The following OSBPL10 variants were observed in gnomAD, a reference collection of about 807,000 sequenced individuals.
OSBPL10 encodes oxysterol-binding protein-related protein 10.
In OSBPL10, 49 loss-of-function variants were observed where a neutral mutation model predicts 81.7. The observed-to-expected ratio is 0.60, with a 90% CI of 0.48 to 0.76. OSBPL10 has a LOEUF of 0.76. Ranked by LOEUF, OSBPL10 falls within the 30% of genes least tolerant of loss-of-function variation. OSBPL10 has a pLI of 0.00. For synonymous variants in OSBPL10, 419 were observed against 383.6 expected, an observed-to-expected ratio of 1.09 and a Z score of -1.08; for missense variants, 923 against 987.8, an observed-to-expected ratio of 0.93 and a Z score of 0.88.
chr3:31,970,604 G>C (rs971225803), intron 1 of OSBPL10, among the ~76,000 whole-genome samples: 2 of 152,172 alleles, frequency 1.3e-5, no homozygotes, highest in African/African-American at 4.8e-5. Flanking sequence ...GGGGTCTATA[G>C]CTACAGGAAA....
At chr3:31,812,763 A>G (rs1699726665) in intron 4 of OSBPL10, among the ~76,000 whole-genome samples, 1 of 47,200 alleles carries the variant, frequency 2.1e-5, no homozygotes, top group African/African-American at 9.8e-5. Context: ...AGAAAGAAAG[A>G]AAGAAAGAAA....
In OSBPL10 at chr3:31,965,827, A is replaced by AT. The variant is rs1559535380; in HGVS notation, c.281+15071_281+15072insA. 1.2e-3 allele frequency among the ~76,000 whole-genome samples: 105 copies of AT among 85,766 alleles called. 1 individual carries two copies. The highest frequency in any genetic ancestry group is 6.1e-3 in the South Asian group (19 of 3,140). 56.3% of individuals were successfully genotyped at this position (85,766 alleles called of 152,430 possible). On this transcript the variant is annotated intron_variant, in intron 1 of 11. Transcript: ENST00000396556. ...CTATTTATATAATATATATTATATA[A>AT]ATATATAATATATATTATATAAAAA...
intron 1 of OSBPL10, among the ~76,000 whole-genome samples, chr3:31,902,810 C>T (rs986158584): frequency 9.9e-5 from 15 of 152,164 alleles, no homozygotes; most frequent in South Asian, 2.1e-4. Context: ...GTGATCCACC[C>T]GCCTTGGCCT....
intron 3 of OSBPL10, among the ~76,000 whole-genome samples, chr3:31,834,574 C>T (rs1700323728): frequency 6.6e-6 from 1 of 152,176 alleles, no homozygotes; most frequent in South Asian, 2.1e-4. Context: ...TTGAATGATT[C>T]CTAAATTTCC....
chr3:31,671,867 C>T (rs1416026618), intron 8 of OSBPL10, among the ~76,000 whole-genome samples: 1 of 152,198 alleles, frequency 6.6e-6, no homozygotes, highest in African/African-American at 2.4e-5. Flanking sequence ...CCTATACAGA[C>T]TGGCAGAGGC....
intron 4 of OSBPL10, among the ~76,000 whole-genome samples, chr3:31,755,070 C>T (rs999641570): frequency 6.6e-6 from 1 of 152,116 alleles, no homozygotes; most frequent in East Asian, 1.9e-4. Flanking sequence ...CTTGCTTCAT[C>T]TCCTGCCTCT....
chr3:32,016,259 T>C (rs1323835942), intron 2 of OSBPL10, among the ~76,000 whole-genome samples: 1 of 152,172 alleles, frequency 6.6e-6, no homozygotes, highest in African/African-American at 2.4e-5. Context: ...TGGAATACTA[T>C]GCAGCTATAA....
chr3:31,809,244 G>C (rs961182435), intron 4 of OSBPL10, among the ~76,000 whole-genome samples: 1 of 152,180 alleles, frequency 6.6e-6, no homozygotes, highest in African/African-American at 2.4e-5. Context: ...AATATATTTA[G>C]ATTTGGGGGA....
chr3:32,047,926 A>C (rs1317673200), intron 1 of OSBPL10, among the ~76,000 whole-genome samples: 1 of 151,992 alleles, frequency 6.6e-6, no homozygotes, highest in Non-Finnish European at 1.5e-5. Context: ...CGGCCTCCCA[A>C]AGTGCTGGGA....
At chr3:31,869,270 C>G (rs920917596) in intron 3 of OSBPL10, among the ~76,000 whole-genome samples, 4 of 152,190 alleles carry the variant, frequency 2.6e-5, no homozygotes, top group African/African-American at 9.7e-5. Context: ...ATTGGCAGAG[C>G]AGGGATTTAA....
chr3:31,747,560 G>A lies in OSBPL10; in HGVS notation c.940+350C>T, dbSNP rs186206981. The stretch of plus-strand genomic sequence containing the variant: ...ATGAGTGGAATGAGACTTATAATGT[G>A]ATGCCAGCAAGTCTGAAAGGTGTTC... On this transcript the variant is annotated intron_variant, in intron 5 of 11. Coordinates refer to ENST00000396556, the MANE Select transcript of OSBPL10 (RefSeq NM_017784.5). Among the ~76,000 whole-genome samples, 26 of 149,590 alleles carry A rather than the reference G, an allele frequency of 1.7e-4. No homozygotes were observed. The East Asian group carries it at 4.8e-3, about 28-fold the overall frequency.
At chr3:31,857,746 A>G (rs1700948372) in intron 3 of OSBPL10, among the ~76,000 whole-genome samples, 1 of 117,382 alleles carries the variant, frequency 8.5e-6, no homozygotes, top group Non-Finnish European at 1.7e-5. Flanking sequence ...CACTACTACT[A>G]GCCTCTCGTG....
At position 31,957,961 on chromosome 3, in the gene OSBPL10, A is replaced by G. The variant is rs575623212; in HGVS notation, c.281+22938T>C. On this transcript the variant is annotated intron_variant, in intron 1 of 11. Transcript: ENST00000396556. ...GCCAGATTCCTGTTTTTAAAAATGC[A>G]TCTTTAAAGTCACATTGTATAGAGT... 5.3e-5 allele frequency among the ~76,000 whole-genome samples: 8 copies of G among 152,322 alleles called. No individual in the cohort carries two copies. The South Asian group carries it at 1.2e-3, about 24-fold the overall frequency.
At chr3:31,945,050 C>A (rs1452051856) in intron 1 of OSBPL10, among the ~76,000 whole-genome samples, 1 of 149,890 alleles carries the variant, frequency 6.7e-6, no homozygotes, top group Non-Finnish European at 1.5e-5. Context: ...ACTCGGGAGG[C>A]CACGGCAGGA....
chr3:31,765,973 G>T (rs1698182904), intron 4 of OSBPL10, among the ~76,000 whole-genome samples: 1 of 151,992 alleles, frequency 6.6e-6, no homozygotes, highest in Admixed American at 6.5e-5. Context: ...CTTTCCTTCA[G>T]AGATATGGCC....
At chr3:32,016,848 A>G (rs1699317184) in intron 2 of OSBPL10, among the ~76,000 whole-genome samples, 1 of 152,194 alleles carries the variant, frequency 6.6e-6, no homozygotes, top group African/African-American at 2.4e-5. Context: ...TGGACCAGGT[A>G]CTTAATCTGT....
intron 4 of OSBPL10, among the ~76,000 whole-genome samples, chr3:31,774,414 C>G (rs1022257855): frequency 6.6e-6 from 1 of 152,154 alleles, no homozygotes; most frequent in Admixed American, 6.5e-5. Flanking sequence ...TCGAGGCTGG[C>G]TGACACAGGT....
chr3:31,789,702 G>A (rs952968204), intron 4 of OSBPL10, among the ~76,000 whole-genome samples: 3 of 152,220 alleles, frequency 2.0e-5, no homozygotes, highest in Non-Finnish European at 4.4e-5. Context: ...AGCACCATAG[G>A]CAACGGAGGC....
chr3:32,012,529 A>T (rs1699270179), intron 2 of OSBPL10, among the ~76,000 whole-genome samples: 2 of 152,248 alleles, frequency 1.3e-5, no homozygotes, highest in Non-Finnish European at 2.9e-5. Flanking sequence ...AAGAAACTGC[A>T]TCAACTAACG....
Sources: allele counts gnomAD v4.1 joint callset (sites outside exome capture counted in the v4.1 genomes callset), GRCh38; gene constraint gnomAD v4.1.1; transcripts MANE v1.5; gene names NCBI Gene and HGNC (gene_info 2026-07-23, HGNC 2026-07-21).